Variants in LSAMP observed in about 807,000 individuals in gnomAD.
The protein encoded by LSAMP is limbic system-associated membrane protein.
In LSAMP, 7 loss-of-function variants were observed where a neutral mutation model predicts 38.6. The observed-to-expected ratio is 0.18, with a 90% CI of 0.10 to 0.34. The LOEUF (loss-of-function observed/expected upper bound fraction) is 0.34. Ranked by LOEUF, LSAMP falls within the 10% of genes least tolerant of loss-of-function variation. LSAMP has a pLI of 1.00. For synonymous variants in LSAMP, 154 were observed against 166.8 expected, an observed-to-expected ratio of 0.92 and a Z score of 0.59; for missense variants, 313 against 420.0, an observed-to-expected ratio of 0.75 and a Z score of 2.23.
intron 3 of LSAMP, among the ~76,000 whole-genome samples, chr3:115,979,149 T>G (rs922720883): frequency 6.7e-6 from 1 of 149,762 alleles, no homozygotes; most frequent in African/African-American, 2.5e-5. Context: ...TTAAAAGGAG[T>G]GCACAGATAG....
chr3:115,889,236 C>G (rs974791870), intron 3 of LSAMP, among the ~76,000 whole-genome samples: 1 of 151,888 alleles, frequency 6.6e-6, no homozygotes, highest in South Asian at 2.1e-4. Context: ...TTCTACCTAA[C>G]GAAAATACTA....
intron 1 of LSAMP, among the ~76,000 whole-genome samples, chr3:116,365,899 A>G (rs1302522150): frequency 1.0e-5 from 1 of 96,232 alleles, no homozygotes; most frequent in Non-Finnish European, 2.0e-5. Context: ...GCATTGGGAG[A>G]TATACCTAAT....
At chr3:115,829,316 G>A (rs183624071) in intron 6 of LSAMP, among the ~76,000 whole-genome samples, 68 of 152,232 alleles carry the variant, frequency 4.5e-4, no homozygotes, top group African/African-American at 1.0e-3. Flanking sequence ...CAATTATCCC[G>A]CTTGAGTCTC....
At chr3:116,321,695 C>A (rs1405049359) in intron 1 of LSAMP, among the ~76,000 whole-genome samples, 1 of 152,166 alleles carries the variant, frequency 6.6e-6, no homozygotes, top group East Asian at 1.9e-4. Flanking sequence ...GAGTGCCTCT[C>A]TGACACACAA....
chr3:116,245,196 T>C (rs1392163280), intron 1 of LSAMP, among the ~76,000 whole-genome samples: 1 of 152,150 alleles, frequency 6.6e-6, no homozygotes, highest in Non-Finnish European at 1.5e-5. Flanking sequence ...AGGAAGACCA[T>C]GTGAAGGCAC....
chr3:116,147,616 T>C (rs986373012), intron 1 of LSAMP, among the ~76,000 whole-genome samples: 1 of 151,952 alleles, frequency 6.6e-6, no homozygotes, highest in Admixed American at 6.6e-5. Context: ...CTACATTTTA[T>C]GGTTAGAACA....
chr3:115,897,732 G>A (rs1028572804), intron 3 of LSAMP, among the ~76,000 whole-genome samples: 3 of 152,080 alleles, frequency 2.0e-5, no homozygotes, highest in Non-Finnish European at 4.4e-5. Flanking sequence ...AAAATAGAAC[G>A]TGTTTTAAGA....
rs1029024511 is a variant in LSAMP at position 115,934,183 on chromosome 3, TTTTA to T, written c.515-81570_515-81567del. On this transcript the variant is annotated intron_variant, in intron 3 of 6. Transcript: ENST00000490035. ...TTTTTATTTTTATTTTATTATTTTATTTTATTTTTTTTTCAGTCAGAGTGTCACT... is the reference window on the plus strand; with the variant it reads ...TTTTTATTTTTATTTTATTATTTTATTTTTTTTTTCAGTCAGAGTGTCACT... Among the ~76,000 whole-genome samples, 7 of 13,702 alleles carry T rather than the reference TTTTA, an allele frequency of 5.1e-4. No individual in the cohort carries two copies. In the Non-Finnish European group the frequency reaches 0.019, roughly 38 times the overall value. 9.0% of individuals were successfully genotyped at this position (13,702 alleles called of 152,430 possible).
intron 1 of LSAMP, among the ~76,000 whole-genome samples, chr3:116,424,583 C>T (rs923876150): frequency 4.6e-5 from 7 of 152,106 alleles, no homozygotes; most frequent in African/African-American, 1.4e-4. Flanking sequence ...AGATATGAGG[C>T]AGAAATTATA....
At chr3:116,360,152 G>C (rs1307710878) in intron 1 of LSAMP, 1 of 143,794 alleles carries the variant, frequency 7.0e-6, no homozygotes, top group Non-Finnish European at 1.5e-5. Flanking sequence ...GTGTGTGTGC[G>C]CACCGTGCGC....
chr3:116,188,690 G>C (rs550120757), intron 1 of LSAMP, among the ~76,000 whole-genome samples: 1 of 152,180 alleles, frequency 6.6e-6, no homozygotes, highest in Non-Finnish European at 1.5e-5. Flanking sequence ...AAAACAAAGT[G>C]ATGCGTTTAT....
rs1448101186 is a variant in LSAMP at position 116,339,835 on chromosome 3, G to T, written c.155+105042C>A. On this transcript the variant is annotated intron_variant, in intron 1 of 6. Transcript: ENST00000490035. Reference sequence around the variant, plus strand: ...ATTAACTGCCACATATCTAAGTGAAGATGCAGCCAGATATTACCAGTTACC... The same window carrying T: ...ATTAACTGCCACATATCTAAGTGAATATGCAGCCAGATATTACCAGTTACC... Among the ~76,000 whole-genome samples, 3 of 151,988 alleles carry T rather than the reference G, an allele frequency of 2.0e-5. No individual in the cohort carries two copies. In the East Asian group the frequency reaches 5.8e-4, roughly 29 times the overall value.
chr3:116,401,889 C>T, intron 1 of LSAMP, among the ~76,000 whole-genome samples: 1 of 152,110 alleles, frequency 6.6e-6, no homozygotes, highest in East Asian at 1.9e-4. Flanking sequence ...AAGGCTAGGT[C>T]TTATGATTTT....
intron 1 of LSAMP, among the ~76,000 whole-genome samples, chr3:116,349,665 T>C (rs1202862332): frequency 6.6e-6 from 1 of 151,862 alleles, no homozygotes; most frequent in Non-Finnish European, 1.5e-5. Flanking sequence ...GAGGACTCTC[T>C]CACACACAAA....
intron 1 of LSAMP, among the ~76,000 whole-genome samples, chr3:116,292,954 C>T (rs893279348): frequency 5.9e-5 from 9 of 152,170 alleles, no homozygotes; most frequent in African/African-American, 1.9e-4. Flanking sequence ...TTGAAACCTG[C>T]TATGTCAGCC....
At chr3:116,169,505 T>C (rs1400735309) in intron 1 of LSAMP, among the ~76,000 whole-genome samples, 1 of 152,190 alleles carries the variant, frequency 6.6e-6, no homozygotes. Context: ...TCTTCTTCCT[T>C]TCTTCTTCAC....
chr3:116,147,592 A>G (rs752662811), intron 1 of LSAMP, among the ~76,000 whole-genome samples: 1 of 151,974 alleles, frequency 6.6e-6, no homozygotes, highest in East Asian at 1.9e-4. Flanking sequence ...TTTTTCAAGA[A>G]TTGACAACAG....
At chr3:116,152,297 G>A (rs376228506) in intron 1 of LSAMP, among the ~76,000 whole-genome samples, 2 of 152,160 alleles carry the variant, frequency 1.3e-5, no homozygotes, top group Admixed American at 6.6e-5. Flanking sequence ...ACGTACAAAC[G>A]CATTCATTTC....
At chr3:115,815,189 A>C (rs1442177088) in intron 6 of LSAMP, among the ~76,000 whole-genome samples, 1 of 152,192 alleles carries the variant, frequency 6.6e-6, no homozygotes, top group Admixed American at 6.5e-5. Flanking sequence ...CTTTTATTAC[A>C]GTATTTTGTT....
Sources: allele counts gnomAD v4.1 joint callset (sites outside exome capture counted in the v4.1 genomes callset), GRCh38; gene constraint gnomAD v4.1.1; transcripts MANE v1.5; gene names NCBI Gene and HGNC (gene_info 2026-07-23, HGNC 2026-07-21).